EDIL3: variants seen among roughly 807,000 people sequenced by gnomAD.
EDIL3 encodes EGF-like repeat and discoidin I-like domain-containing protein 3.
In EDIL3, 37 loss-of-function variants were observed where a neutral mutation model predicts 67.4. That is an observed-to-expected ratio of 0.55 (90% CI 0.42 to 0.72). EDIL3 has a LOEUF of 0.72. Among genes scored for constraint, EDIL3 ranks in the 30% least tolerant of loss-of-function variants. EDIL3 has a pLI of 0.00. For synonymous variants in EDIL3, 195 were observed against 196.3 expected, an observed-to-expected ratio of 0.99 and a Z score of 0.05; for missense variants, 527 against 586.3, an observed-to-expected ratio of 0.90 and a Z score of 1.04.
At chr5:84,258,970 C>CTTTTTTTTTTTTTTTTTTTTTTTTTTT (rs144344642) in intron 1 of EDIL3, among the ~76,000 whole-genome samples, 1 of 77,926 alleles carries the variant, frequency 1.3e-5, no homozygotes, top group African/African-American at 5.5e-5. Context: ...TTCGTAGAGT[C>CTTTTTTTTTTTTTTTTTTTTTTTTTTT]TTTTTTTTTT....
At chr5:84,223,603 T>C (rs1271664053) in intron 3 of EDIL3, among the ~76,000 whole-genome samples, 4 of 151,584 alleles carry the variant, frequency 2.6e-5, no homozygotes, top group African/African-American at 9.7e-5. Context: ...TAGAGCAGAA[T>C]AGTGGTTACT....
chr5:83,998,685 C>T (rs1227414547), intron 9 of EDIL3, among the ~76,000 whole-genome samples: 4 of 152,182 alleles, frequency 2.6e-5, no homozygotes, highest in Admixed American at 6.5e-5. Flanking sequence ...CTAAACCAGC[C>T]CTGGGGCAAG....
intron 3 of EDIL3, among the ~76,000 whole-genome samples, chr5:84,207,375 C>T (rs1047169627): frequency 6.6e-6 from 1 of 152,118 alleles, no homozygotes; most frequent in African/African-American, 2.4e-5. Flanking sequence ...AACTACAAAC[C>T]ACTGCTCATT....
At chr5:84,092,538 G>T (rs1295182232) in intron 6 of EDIL3, among the ~76,000 whole-genome samples, 4 of 152,046 alleles carry the variant, frequency 2.6e-5, no homozygotes, top group Non-Finnish European at 5.9e-5. Context: ...TTTGTGTTCT[G>T]TATTTTATGA....
intron 1 of EDIL3, among the ~76,000 whole-genome samples, chr5:84,347,056 A>C: frequency 6.6e-6 from 1 of 152,252 alleles, no homozygotes; most frequent in East Asian, 1.9e-4. Context: ...TAATATCTTA[A>C]GCCTTCTAAG....
intron 5 of EDIL3, among the ~76,000 whole-genome samples, chr5:84,130,793 AC>A (rs1747950594): frequency 6.6e-6 from 1 of 152,148 alleles, no homozygotes; most frequent in Non-Finnish European, 1.5e-5. Flanking sequence ...ATAACTGCAA[AC>A]ATACAAAAAG....
In EDIL3 at chr5:84,291,832, T is replaced by C. The variant is rs13159945; in HGVS notation, c.68-37620A>G. ...ACACACACATATATATACACACACA[T>C]ATATATATATATACCTACAGGCCCT... On this transcript the variant is annotated intron_variant, in intron 1 of 10. Transcript: ENST00000296591. Among the ~76,000 whole-genome samples, 151 of 147,502 alleles carry C rather than the reference T, an allele frequency of 1.0e-3. 1 individual carries two copies. Among genetic ancestry groups the C allele is most frequent in the South Asian group, 2.1e-3 (10 of 4,724 alleles).
intron 2 of EDIL3, among the ~76,000 whole-genome samples, chr5:84,241,948 C>T (rs1202820052): frequency 1.3e-5 from 2 of 151,400 alleles, no homozygotes; most frequent in Admixed American, 6.6e-5. Context: ...CAGCCGGGCG[C>T]GGTGGCTCAC....
chr5:84,112,649 T>C (rs551081212), intron 5 of EDIL3, among the ~76,000 whole-genome samples: 3 of 152,250 alleles, frequency 2.0e-5, no homozygotes, highest in African/African-American at 4.8e-5. Flanking sequence ...GATTGAGATG[T>C]AAAAATCTGC....
rs147805921 is a variant in EDIL3 at position 84,270,021 on chromosome 5, G to C, written c.68-15809C>G. Among the ~76,000 whole-genome samples, 6 of 152,278 alleles carry C rather than the reference G, an allele frequency of 3.9e-5. No individual in the cohort carries two copies. The South Asian group carries it at 8.3e-4, about 21-fold the overall frequency. On this transcript the variant is annotated intron_variant, in intron 1 of 10. Transcript: ENST00000296591. ...ATCTCTCTCTAAAGTTGGAGTAAGC[G>C]AGAGAAAAATCTAGAAGGATATGTG...
chr5:84,361,650 T>C (rs953262649), intron 1 of EDIL3, among the ~76,000 whole-genome samples: 5 of 151,874 alleles, frequency 3.3e-5, no homozygotes, highest in Non-Finnish European at 5.9e-5. Context: ...TTATTTGAAA[T>C]GTTGACTTTT....
intron 1 of EDIL3, among the ~76,000 whole-genome samples, chr5:84,343,365 A>G (rs1000966165): frequency 2.0e-5 from 3 of 152,046 alleles, no homozygotes; most frequent in Admixed American, 1.3e-4. Context: ...TATGTCCCCA[A>G]ACTTCTGTAA....
At chr5:84,083,887 T>C (rs1416306086) in intron 6 of EDIL3, among the ~76,000 whole-genome samples, 1 of 152,204 alleles carries the variant, frequency 6.6e-6, no homozygotes, top group Non-Finnish European at 1.5e-5. Context: ...GAAATACTTT[T>C]ATATACATGA....
intron 2 of EDIL3, among the ~76,000 whole-genome samples, chr5:84,251,141 C>A (rs1006494369): frequency 1.3e-5 from 2 of 152,090 alleles, no homozygotes; most frequent in African/African-American, 4.8e-5. Flanking sequence ...GAGATGGAGT[C>A]TCTCTCTGTC....
chr5:83,978,155 A>C (rs1744906268), intron 9 of EDIL3, among the ~76,000 whole-genome samples: 1 of 151,980 alleles, frequency 6.6e-6, no homozygotes, highest in African/African-American at 2.4e-5. Context: ...ATAGTTTAGC[A>C]AGGTTAGTTG....
At chr5:84,114,093 G>A (rs921765771) in intron 5 of EDIL3, among the ~76,000 whole-genome samples, 2 of 151,388 alleles carry the variant, frequency 1.3e-5, no homozygotes, top group African/African-American at 4.9e-5. Context: ...GGTGAGGGAG[G>A]GATCAAGGCT....
chr5:83,994,566 G>T (rs142887270), intron 9 of EDIL3, among the ~76,000 whole-genome samples: 319 of 152,190 alleles, frequency 2.1e-3, no homozygotes, highest in African/African-American at 7.3e-3. Flanking sequence ...ACAAGAGAAA[G>T]ATCTGAATAA....
chr5:84,154,953 G>A (rs561528231), intron 4 of EDIL3, among the ~76,000 whole-genome samples: 2 of 152,046 alleles, frequency 1.3e-5, no homozygotes, highest in Non-Finnish European at 2.9e-5. Context: ...TCCTGCCTCG[G>A]CGTCCCAAAG....
At chr5:84,250,843 T>C (rs1339269115) in intron 2 of EDIL3, among the ~76,000 whole-genome samples, 1 of 152,198 alleles carries the variant, frequency 6.6e-6, no homozygotes, top group Non-Finnish European at 1.5e-5. Flanking sequence ...ATAATATATA[T>C]GGCTCAAAAT....
Sources: allele counts gnomAD v4.1 joint callset (sites outside exome capture counted in the v4.1 genomes callset), GRCh38; gene constraint gnomAD v4.1.1; transcripts MANE v1.5; gene names NCBI Gene and HGNC (gene_info 2026-07-23, HGNC 2026-07-21).